Variants in ACYP2 observed in about 807,000 individuals in gnomAD.
ACYP2 encodes the protein acylphosphatase-2.
Under a neutral mutation model 11.2 loss-of-function variants are expected in ACYP2, and 12 were observed. That is an observed-to-expected ratio of 1.08 (90% CI 0.69 to 1.74). The LOEUF (loss-of-function observed/expected upper bound fraction) is 1.74. Ranked by LOEUF, ACYP2 falls within the 40% of genes most tolerant of loss-of-function variation. The pLI, the probability that ACYP2 is intolerant of heterozygous loss-of-function variation, is 0.00. For synonymous variants in ACYP2, 43 were observed against 32.2 expected (o/e 1.33, Z -1.13); for missense variants, 134 against 101.9 (o/e 1.31, Z -1.35).
intron 2 of ACYP2, among the ~76,000 whole-genome samples, chr2:53,995,958 C>A (rs549029310): frequency 7.9e-5 from 12 of 152,054 alleles, no homozygotes; most frequent in African/African-American, 2.9e-4. Context: ...CGTGGTGAAA[C>A]CCTGTGTCTA....
intron 4 of ACYP2, among the ~76,000 whole-genome samples, chr2:54,081,687 T>C (rs919285857): frequency 6.6e-6 from 1 of 152,240 alleles, no homozygotes; most frequent in African/African-American, 2.4e-5. Flanking sequence ...TCTACATACC[T>C]GATGAGAGAG....
chr2:53,987,492 A>T (rs533492927), intron 2 of ACYP2, among the ~76,000 whole-genome samples: 1 of 152,328 alleles, frequency 6.6e-6, no homozygotes, highest in East Asian at 1.9e-4. Flanking sequence ...CTCTTGGATA[A>T]ATGCCCAGGG....
At chr2:53,978,505 A>G (rs117806316) in intron 2 of ACYP2, among the ~76,000 whole-genome samples, 20 of 152,300 alleles carry the variant, frequency 1.3e-4, no homozygotes, top group African/African-American at 4.6e-4. Flanking sequence ...CCTATAACCG[A>G]GTGTGGGTAG....
At chr2:54,135,164 G>A (rs1280669892) in intron 4 of ACYP2, among the ~76,000 whole-genome samples, 2 of 152,200 alleles carry the variant, frequency 1.3e-5, no homozygotes, top group Non-Finnish European at 2.9e-5. Context: ...ATAACCAAGA[G>A]AGTGTCTACA....
chr2:54,278,881 T>A (rs535463438), intron 6 of ACYP2, among the ~76,000 whole-genome samples: 4 of 152,226 alleles, frequency 2.6e-5, no homozygotes, highest in Non-Finnish European at 5.9e-5. Context: ...TAAGGAAGCA[T>A]GTGCTGAGGT....
At chr2:54,004,044 C>T (rs961533748) in intron 2 of ACYP2, among the ~76,000 whole-genome samples, 5 of 152,082 alleles carry the variant, frequency 3.3e-5, no homozygotes, top group East Asian at 1.9e-4. Flanking sequence ...AATGCAATGG[C>T]GCGATCTCAG....
At chr2:54,227,344 T>C (rs979013421) in intron 6 of ACYP2, among the ~76,000 whole-genome samples, 1 of 152,188 alleles carries the variant, frequency 6.6e-6, no homozygotes, top group Non-Finnish European at 1.5e-5. Flanking sequence ...ATTCCACTTA[T>C]AAAGTATGCA....
chr2:53,980,936 G>A (rs1260327878), intron 2 of ACYP2, among the ~76,000 whole-genome samples: 1 of 151,944 alleles, frequency 6.6e-6, no homozygotes, highest in Non-Finnish European at 1.5e-5. Flanking sequence ...ATTTTTTGTA[G>A]AAATGGGGTT....
At chr2:54,014,393 C>T (rs538073214) in intron 2 of ACYP2, among the ~76,000 whole-genome samples, 3 of 152,186 alleles carry the variant, frequency 2.0e-5, no homozygotes, top group East Asian at 1.9e-4. Flanking sequence ...GAACTTGGCT[C>T]ACTGCAACCT....
chr2:54,122,413 C>A (rs1482612387), intron 4 of ACYP2, among the ~76,000 whole-genome samples: 1 of 152,144 alleles, frequency 6.6e-6, no homozygotes, highest in Non-Finnish European at 1.5e-5. Context: ...CTTTTATCAC[C>A]AAAAGGGCTG....
chr2:54,037,090 GA>G (rs1447131815), intron 2 of ACYP2, among the ~76,000 whole-genome samples: 2 of 152,134 alleles, frequency 1.3e-5, no homozygotes, highest in Non-Finnish European at 2.9e-5. Flanking sequence ...AACTCCTTTA[GA>G]AAATATTTCA....
chr2:54,267,244 A>T, intron 6 of ACYP2: 1 of 1,529,678 alleles, frequency 6.5e-7, no homozygotes, highest in Non-Finnish European at 8.8e-7. Context: ...GCTCCCAATA[A>T]AAACATTATT....
At chr2:54,129,393 A>G (rs1047752444) in intron 4 of ACYP2, among the ~76,000 whole-genome samples, 1 of 152,116 alleles carries the variant, frequency 6.6e-6, no homozygotes, top group African/African-American at 2.4e-5. Context: ...TCAGCCTCCC[A>G]AAATGCTGGG....
chr2:54,169,668 G>A (rs1186929600), intron 6 of ACYP2, among the ~76,000 whole-genome samples: 1 of 152,042 alleles, frequency 6.6e-6, no homozygotes, highest in Non-Finnish European at 1.5e-5. Context: ...CACAGGAAAG[G>A]CCCATGAAAC....
rs1040295476 is a variant in ACYP2 at position 53,994,449 on chromosome 2, G to A, written c.62+20639G>A. ...CAGGAGAATCACTTGAACCCAGGAGGTGGAGGTTGCAGAGAACCAAGATTG... is the reference window on the plus strand; with the variant it reads ...CAGGAGAATCACTTGAACCCAGGAGATGGAGGTTGCAGAGAACCAAGATTG... On this transcript the variant is annotated intron_variant, in intron 2 of 6. Transcript: ENST00000607452. Among the ~76,000 whole-genome samples the A allele has an allele frequency of 4.6e-5, 7 of 150,856 alleles. No homozygotes were observed. In the South Asian group the frequency reaches 8.4e-4, roughly 18 times the overall value.
At chr2:54,223,692 A>G (rs774568433) in intron 6 of ACYP2, among the ~76,000 whole-genome samples, 1 of 152,202 alleles carries the variant, frequency 6.6e-6, no homozygotes, top group East Asian at 1.9e-4. Flanking sequence ...TTTCAGTGGG[A>G]GAAATCTGAG....
chr2:53,990,777 G>A (rs1319669495), intron 2 of ACYP2, among the ~76,000 whole-genome samples: 1 of 151,774 alleles, frequency 6.6e-6, no homozygotes, highest in African/African-American at 2.4e-5. Flanking sequence ...GATGACCTAA[G>A]AATTTGCGTT....
intron 6 of ACYP2, among the ~76,000 whole-genome samples, chr2:54,180,366 G>A (rs1292496297): frequency 6.6e-6 from 1 of 152,016 alleles, no homozygotes; most frequent in Non-Finnish European, 1.5e-5. Flanking sequence ...AGCGGGTGGG[G>A]CTGAATATCT....
intron 3 of ACYP2, among the ~76,000 whole-genome samples, chr2:54,052,860 C>A (rs140256075): frequency 3.3e-4 from 50 of 152,324 alleles, no homozygotes; most frequent in African/African-American, 1.0e-3. Flanking sequence ...AAGAAAGCAA[C>A]TAACTGGGGA....
Sources: gnomAD v4.1 joint callset for allele counts (sites outside exome capture counted in the v4.1 genomes callset) on GRCh38, gnomAD v4.1.1 for gene constraint, MANE v1.5 for transcripts, NCBI Gene and HGNC (gene_info 2026-07-23, HGNC 2026-07-21) for gene names.